Variants in COXFA4L2 observed in about 807,000 individuals in gnomAD.
COXFA4L2 encodes the protein NADH dehydrogenase (ubiquinone) 1 alpha subcomplex, 4-like 2.
At chr12:57,238,580 C>T in the COXFA4L2 span, among the ~76,000 whole-genome samples, 3 of 152,218 alleles carry the variant, frequency 2.0e-5, no homozygotes, top group Non-Finnish European at 4.4e-5. This position sits in a 1 kb window ranked among gnomAD's most constrained non-coding sequence, Gnocchi z 6.8. Flanking sequence ...ACTCGAGCGG[C>T]CGCACAACTG....
chr12:57,235,823 G>T, the COXFA4L2 span: 7 of 1,527,078 alleles, frequency 4.6e-6, no homozygotes, highest in Middle Eastern at 1.8e-4. Context: ...TGGAGCAGGA[G>T]GGGGGAGGGT....
chr12:57,236,275 C>G, the COXFA4L2 span: 4 of 379,820 alleles, frequency 1.1e-5, no homozygotes, highest in Admixed American at 4.3e-5. Flanking sequence ...CCGGCCACAA[C>G]CCCAGTGCTC....
chr12:57,236,879 A>T, the COXFA4L2 span: 1 of 1,146,230 alleles, frequency 8.7e-7, no homozygotes, highest in East Asian at 2.3e-5. Context: ...TTTGTGGGAC[A>T]CAGGGACGTT....
chr12:57,237,227 C>T, the COXFA4L2 span: 1 of 1,516,190 alleles, frequency 6.6e-7, no homozygotes, highest in South Asian at 1.3e-5. Context: ...ACTCACCCCA[C>T]CCCAACTTAG....
the COXFA4L2 span, chr12:57,235,821 G>A: frequency 8.4e-5 from 129 of 1,528,480 alleles, 1 homozygote; most frequent in South Asian, 1.6e-3. Flanking sequence ...TGTGGAGCAG[G>A]AGGGGGGAGG....
the COXFA4L2 span, chr12:57,235,699 G>A: frequency 6.2e-7 from 1 of 1,611,980 alleles, no homozygotes; most frequent in Non-Finnish European, 8.5e-7. Context: ...TGGGTGCCAG[G>A]ACCAGGAGAT....
At chr12:57,237,685 CG>C in the COXFA4L2 span, 1 of 155,730 alleles carries the variant, frequency 6.4e-6, no homozygotes, top group African/African-American at 2.4e-5. Context: ...ACTGGAATTG[CG>C]GTTGGAGGCT....
the COXFA4L2 span, chr12:57,236,525 GGGC>G: frequency 7.3e-7 from 1 of 1,366,182 alleles, no homozygotes; most frequent in East Asian, 2.5e-5. Flanking sequence ...ATCCCCACTA[GGGC>G]CGCCTATTTC....
At chr12:57,236,226 GC>G in the COXFA4L2 span, 1 of 336,876 alleles carries the variant, frequency 3.0e-6, no homozygotes. Context: ...TGAAATCTCC[GC>G]CCCACACTGG....
chr12:57,239,118 C>A, the COXFA4L2 span, among the ~76,000 whole-genome samples: 7 of 152,248 alleles, frequency 4.6e-5, no homozygotes, highest in Non-Finnish European at 7.3e-5. The surrounding 1 kb of genome is among the most constrained non-coding windows in gnomAD (Gnocchi z 5.5). Flanking sequence ...GGACTCCAAG[C>A]GCTAACCCGC....
At chr12:57,236,755 T>C in the COXFA4L2 span, 2 of 1,385,418 alleles carry the variant, frequency 1.4e-6, no homozygotes, top group Non-Finnish European at 2.0e-6. Context: ...TACAAGCTTT[T>C]CTGCCCACCC....
At chr12:57,237,029 C>T in the COXFA4L2 span, 9 of 1,614,098 alleles carry the variant, frequency 5.6e-6, no homozygotes, top group South Asian at 4.4e-5. Flanking sequence ...GAGGACTCAC[C>T]CCCGGATGTC....
At chr12:57,236,415 G>A in the COXFA4L2 span, 7 of 549,454 alleles carry the variant, frequency 1.3e-5, no homozygotes, top group Admixed American at 2.2e-4. Flanking sequence ...TGAGCGGCCA[G>A]GTGGGCTGGA....
chr12:57,238,379 A>T, the COXFA4L2 span, among the ~76,000 whole-genome samples: 1 of 152,078 alleles, frequency 6.6e-6, no homozygotes, highest in South Asian at 2.1e-4. This position sits in a 1 kb window ranked among gnomAD's most constrained non-coding sequence, Gnocchi z 6.8. Flanking sequence ...GGCGAGAACA[A>T]AGAGACAGAG....
the COXFA4L2 span, among the ~76,000 whole-genome samples, chr12:57,238,424 C>T: frequency 6.6e-6 from 1 of 151,882 alleles, no homozygotes; most frequent in Non-Finnish European, 1.5e-5. The surrounding 1 kb of genome is among the most constrained non-coding windows in gnomAD (Gnocchi z 6.8). Flanking sequence ...GGCGGGGGAG[C>T]GGGGCTGACG....
the COXFA4L2 span, chr12:57,236,694 G>A: frequency 7.1e-6 from 11 of 1,551,308 alleles, no homozygotes; most frequent in Non-Finnish European, 9.6e-6. Context: ...GCGGGGAAGA[G>A]GGAGAGCACT....
chr12:57,236,870 T>C, the COXFA4L2 span, among the ~76,000 whole-genome samples: 1 of 152,120 alleles, frequency 6.6e-6, no homozygotes, highest in East Asian at 1.9e-4. Context: ...GGTAGTAGAT[T>C]TGTGGGACAC....
chr12:57,237,547 G>A, the COXFA4L2 span, among the ~76,000 whole-genome samples: 1 of 152,326 alleles, frequency 6.6e-6, no homozygotes, highest in East Asian at 1.9e-4. Context: ...GAGCTGTCCA[G>A]GAGCGGGTCC....
the COXFA4L2 span, chr12:57,239,907 T>G: frequency 6.6e-6 from 1 of 152,360 alleles, no homozygotes; most frequent in Non-Finnish European, 1.5e-5. The surrounding 1 kb of genome is among the most constrained non-coding windows in gnomAD (Gnocchi z 5.5). Context: ...TCTATTCCTA[T>G]TCTCTGGGTT....
Sources: allele counts gnomAD v4.1 joint callset (sites outside exome capture counted in the v4.1 genomes callset), GRCh38; gene constraint gnomAD v4.1.1; non-coding constraint Gnocchi (gnomAD v3.1); transcripts MANE v1.5; gene names NCBI Gene and HGNC (gene_info 2026-07-23, HGNC 2026-07-21).